DMD: variants seen among roughly 807,000 people sequenced by gnomAD.
DMD encodes the protein mutant dystrophin.
In DMD, 63 loss-of-function variants were observed where a neutral mutation model predicts 330.1. The ratio of observed to expected loss-of-function variants is 0.19; its 90% CI spans 0.16 to 0.24. The LOEUF (loss-of-function observed/expected upper bound fraction) is 0.24. Among genes scored for constraint, DMD ranks in the 10% least tolerant of loss-of-function variants. DMD has a pLI of 1.00. For synonymous variants in DMD, 1,223 were observed against 959.8 expected, an observed-to-expected ratio of 1.27 and a Z score of -5.07; for missense variants, 3,344 against 2,684.1, an observed-to-expected ratio of 1.25 and a Z score of -5.43.
At chrX:31,508,121 T>C in intron 55 of DMD, 2 of 752,525 alleles carry the variant, frequency 2.7e-6, no homozygotes, top group Non-Finnish European at 4.0e-6. Flanking sequence ...CATAGGACCT[T>C]GGTAAGAGTT....
At chrX:33,034,978 G>T (rs917713403) in intron 1 of DMD, among the ~76,000 whole-genome samples, 2 of 111,341 alleles carry the variant, frequency 1.8e-5, no homozygotes, top group Non-Finnish European at 3.8e-5. Context: ...CTTTCAATAC[G>T]ACTATGGAAT....
chrX:32,593,135 CA>C (rs1363658199), intron 13 of DMD, among the ~76,000 whole-genome samples: 6 of 112,827 alleles, frequency 5.3e-5, no homozygotes, highest in Non-Finnish European at 1.1e-4. Flanking sequence ...GCCCAGCGGG[CA>C]CAAGCAAAAC....
intron 62 of DMD, among the ~76,000 whole-genome samples, chrX:31,310,476 A>G (rs913950985): frequency 9.1e-6 from 1 of 110,237 alleles, no homozygotes; most frequent in Non-Finnish European, 1.9e-5. Flanking sequence ...TATTTGATAA[A>G]GCACTTGTAT....
At chrX:32,137,619 T>C (rs770020760) in intron 44 of DMD, among the ~76,000 whole-genome samples, 15 of 111,536 alleles carry the variant, frequency 1.3e-4, no homozygotes, top group African/African-American at 4.9e-4. Context: ...AGTATAGTTT[T>C]TTTTTTCAAC....
At chrX:32,948,301 C>G (rs1181584155) in intron 2 of DMD, among the ~76,000 whole-genome samples, 2 of 111,806 alleles carry the variant, frequency 1.8e-5, no homozygotes, top group Non-Finnish European at 3.8e-5. Flanking sequence ...AAGGGCTTTA[C>G]TCATCACCCT....
chrX:32,983,387 ATTCTT>A (rs756517275), intron 2 of DMD, among the ~76,000 whole-genome samples: 2 of 110,816 alleles, frequency 1.8e-5, no homozygotes, highest in African/African-American at 6.5e-5. Flanking sequence ...TACAATTTGT[ATTCTT>A]TTCTTTTGTT....
chrX:33,015,207 G>T (rs887259598), intron 2 of DMD, among the ~76,000 whole-genome samples: 1 of 110,354 alleles, frequency 9.1e-6, no homozygotes, highest in East Asian at 2.9e-4. Context: ...TATAAGACAC[G>T]CATACATATG....
chrX:32,141,678 AACACACACACACACACACAC>A (rs56858722), intron 44 of DMD, among the ~76,000 whole-genome samples: 2 of 88,112 alleles, frequency 2.3e-5, no homozygotes, highest in Non-Finnish European at 4.4e-5. Flanking sequence ...TATAGAGTGC[AACACACACACACACACACAC>A]ACACACACAC....
chrX:31,576,477 G>A (rs1004144136), intron 55 of DMD, among the ~76,000 whole-genome samples: 2 of 108,688 alleles, frequency 1.8e-5, no homozygotes, highest in African/African-American at 6.7e-5. Flanking sequence ...GAATGAGAGG[G>A]CCTGACTTTG....
chrX:32,564,270 A>G (rs1603636506), intron 16 of DMD, among the ~76,000 whole-genome samples: 1 of 112,017 alleles, frequency 8.9e-6, no homozygotes, highest in East Asian at 2.8e-4. Flanking sequence ...ACAGCTCCCT[A>G]AACATGTCCC....
At chrX:31,927,803 C>T (rs113958390) in intron 47 of DMD, among the ~76,000 whole-genome samples, 73 of 111,741 alleles carry the variant, frequency 6.5e-4, no homozygotes, top group African/African-American at 2.3e-3. Flanking sequence ...TTAAAAAATA[C>T]AATAAATAAC....
At chrX:33,142,950 G>A (rs1426161723) in intron 1 of DMD, among the ~76,000 whole-genome samples, 1 of 111,393 alleles carries the variant, frequency 9.0e-6, no homozygotes, top group African/African-American at 3.3e-5. Context: ...ATGATTTTAG[G>A]AACAGCCATA....
chrX:32,692,972 T>C (rs1176357828), intron 9 of DMD, among the ~76,000 whole-genome samples: 1 of 112,065 alleles, frequency 8.9e-6, no homozygotes, highest in Non-Finnish European at 1.9e-5. Flanking sequence ...GTTTCAATAA[T>C]ACACATGAGG....
At chrX:32,635,969 G>A (rs1196151208) in intron 11 of DMD, among the ~76,000 whole-genome samples, 3 of 111,660 alleles carry the variant, frequency 2.7e-5, no homozygotes, top group South Asian at 7.5e-4. Flanking sequence ...TTACCTACTT[G>A]CCTCAGTAAC....
chrX:32,470,766 A>G (rs1373433087), intron 22 of DMD, among the ~76,000 whole-genome samples: 2 of 112,122 alleles, frequency 1.8e-5, no homozygotes, highest in Non-Finnish European at 1.9e-5. Flanking sequence ...AGGACAATAC[A>G]TAATGAAAGT....
intron 55 of DMD, among the ~76,000 whole-genome samples, chrX:31,559,961 A>T (rs1450793768): frequency 8.9e-6 from 1 of 111,989 alleles, no homozygotes; most frequent in Non-Finnish European, 1.9e-5. Context: ...CTTGTCTTTG[A>T]GACTTTCTCC....
intron 4 of DMD, among the ~76,000 whole-genome samples, chrX:32,838,938 G>A (rs1318039422): frequency 8.9e-6 from 1 of 111,817 alleles, no homozygotes; most frequent in Non-Finnish European, 1.9e-5. Context: ...TATATCCAAA[G>A]GATTATAAAT....
rs1054913201 is a variant in DMD at position 32,329,788 on chromosome X, C to G, written c.5922+12312G>C. On this transcript the variant is annotated intron_variant, in intron 41 of 78. Coordinates refer to ENST00000357033, the MANE Select transcript of DMD (RefSeq NM_004006.3). ...ATTATTATGGAAAATTATGGACCTTCTGGAACTTTCCCCAGTTAATTTATT... is the reference window on the plus strand; with the variant it reads ...ATTATTATGGAAAATTATGGACCTTGTGGAACTTTCCCCAGTTAATTTATT... Among the ~76,000 whole-genome samples, 4 of 112,451 alleles carry G rather than the reference C, an allele frequency of 3.6e-5. No homozygotes were observed. In the East Asian group the frequency reaches 1.1e-3, roughly 32 times the overall value.
chrX:31,937,010 A>C (rs2094932927), intron 45 of DMD, among the ~76,000 whole-genome samples: 1 of 111,286 alleles, frequency 9.0e-6, no homozygotes, highest in South Asian at 3.7e-4. Context: ...AATTTCTGGT[A>C]GGTTAACCCG....
Sources: allele counts gnomAD v4.1 joint callset (sites outside exome capture counted in the v4.1 genomes callset), GRCh38; gene constraint gnomAD v4.1.1; transcripts MANE v1.5; gene names NCBI Gene and HGNC (gene_info 2026-07-23, HGNC 2026-07-21).